Variants in TRDN observed in about 807,000 individuals in gnomAD.
TRDN encodes the protein triadin in skeletal muscle.
In TRDN, 161 loss-of-function variants were observed where a neutral mutation model predicts 149.7. The observed-to-expected ratio is 1.08, with a 90% CI of 0.95 to 1.23. TRDN has a LOEUF of 1.23. Ranked by LOEUF, TRDN falls within the 50% of genes most tolerant of loss-of-function variation. The pLI is 0.00. For synonymous variants in TRDN, 294 were observed against 250.5 expected (o/e 1.17, Z -1.64); for missense variants, 896 against 823.5 (o/e 1.09, Z -1.08).
At chr6:123,567,697 G>T (rs1054976594) in intron 2 of TRDN, among the ~76,000 whole-genome samples, 1 of 152,112 alleles carries the variant, frequency 6.6e-6, no homozygotes, top group African/African-American at 2.4e-5. Flanking sequence ...ATTCACTATT[G>T]TGAGGAAAGT....
chr6:123,478,301 G>A lies in TRDN; in HGVS notation c.854-13318C>T, dbSNP rs113468966. The stretch of plus-strand genomic sequence containing the variant: ...ATTTTCTGTTTAACCTTAGTTAGAC[G>A]TTGAATGGACTTGATATATCCCACA... On this transcript the variant is annotated intron_variant, in intron 9 of 40. Coordinates refer to ENST00000334268, the MANE Select transcript of TRDN (RefSeq NM_006073.4). Among the ~76,000 whole-genome samples, 569 of 152,188 alleles carry A rather than the reference G, an allele frequency of 3.7e-3. 3 individuals carry two copies. The highest frequency in any genetic ancestry group is 0.013 in the African/African-American group (533 of 41,530).
chr6:123,233,083 T>C (rs1775666506), intron 38 of TRDN, among the ~76,000 whole-genome samples: 1 of 152,120 alleles, frequency 6.6e-6, no homozygotes, highest in Non-Finnish European at 1.5e-5. Flanking sequence ...TCGCTGCCTC[T>C]CTCTGTTTCT....
chr6:123,273,382 A>G lies in TRDN; in HGVS notation c.1598-19T>C. The stretch of plus-strand genomic sequence containing the variant: ...GATATAGCTAAAATAAATAAATAAC[A>G]TATTAGATTAAATTACCTGCAAAAT... On this transcript the variant is annotated intron_variant, in intron 27 of 40. Transcript: ENST00000334268. 2.1e-6 allele frequency: 2 copies of G among 943,282 alleles called. No individual in the cohort carries two copies. Among genetic ancestry groups the G allele is most frequent in the Non-Finnish European group, 2.9e-6 (2 of 694,230 alleles). 58.4% of individuals were successfully genotyped at this position (943,282 alleles called of 1,614,324 possible).
intron 12 of TRDN, among the ~76,000 whole-genome samples, chr6:123,424,016 GAAGGGCCATT>G (rs768558515): frequency 3.9e-5 from 6 of 152,122 alleles, no homozygotes; most frequent in Non-Finnish European, 7.4e-5. Context: ...GAGTTTAGGG[GAAGGGCCATT>G]CACCAAATGA....
At chr6:123,357,866 C>A (rs755835918) in intron 20 of TRDN, among the ~76,000 whole-genome samples, 3 of 152,236 alleles carry the variant, frequency 2.0e-5, no homozygotes, top group Admixed American at 1.3e-4. Context: ...ATAGAGAAGG[C>A]TAGTCCCTTA....
intron 1 of TRDN, among the ~76,000 whole-genome samples, chr6:123,575,638 A>G (rs1472497475): frequency 1.3e-5 from 2 of 152,074 alleles, no homozygotes; most frequent in Non-Finnish European, 2.9e-5. Context: ...TTTGATTGTC[A>G]GACAGAATCA....
intron 9 of TRDN, among the ~76,000 whole-genome samples, chr6:123,488,445 T>C (rs1417038378): frequency 3.3e-5 from 5 of 152,154 alleles, no homozygotes; most frequent in African/African-American, 2.4e-5. Context: ...CCAGTGAGCA[T>C]TGACCCCACT....
chr6:123,623,294 CTT>C (rs1173456158), intron 1 of TRDN, among the ~76,000 whole-genome samples: 4 of 151,994 alleles, frequency 2.6e-5, no homozygotes, highest in African/African-American at 7.2e-5. Flanking sequence ...TAAAAAGAAT[CTT>C]ATATATAAAA....
intron 1 of TRDN, among the ~76,000 whole-genome samples, chr6:123,602,805 C>T (rs1055954573): frequency 6.6e-6 from 1 of 152,026 alleles, no homozygotes; most frequent in Non-Finnish European, 1.5e-5. Flanking sequence ...TTCCATATGT[C>T]AGTGGACTAG....
chr6:123,511,543 G>A (rs1779182823), intron 7 of TRDN, among the ~76,000 whole-genome samples: 1 of 152,042 alleles, frequency 6.6e-6, no homozygotes. Context: ...CAAATTCAAG[G>A]TATAATACTG....
chr6:123,298,284 T>C (rs371840064), intron 24 of TRDN, among the ~76,000 whole-genome samples: 56 of 152,158 alleles, frequency 3.7e-4, no homozygotes, highest in African/African-American at 1.2e-3. Flanking sequence ...CACTTGTTTA[T>C]TTCTTCCTCC....
At chr6:123,566,866 T>C (rs1782321616) in intron 2 of TRDN, among the ~76,000 whole-genome samples, 1 of 152,236 alleles carries the variant, frequency 6.6e-6, no homozygotes, top group African/African-American at 2.4e-5. Flanking sequence ...AAGAATTGCA[T>C]ATAAATCAAA....
chr6:123,420,006 C>T (rs2114538293), intron 12 of TRDN, among the ~76,000 whole-genome samples: 1 of 152,212 alleles, frequency 6.6e-6, no homozygotes, highest in African/African-American at 2.4e-5. Context: ...TGATTGAAAC[C>T]TTGTAAACAA....
At chr6:123,537,747 A>C (rs561641388) in intron 4 of TRDN, among the ~76,000 whole-genome samples, 1 of 152,216 alleles carries the variant, frequency 6.6e-6, no homozygotes, top group Non-Finnish European at 1.5e-5. Context: ...TAGTAGCAGC[A>C]ACCAATGGAA....
intron 10 of TRDN, chr6:123,457,682 T>G (rs1439965176): frequency 5.7e-6 from 2 of 353,368 alleles, no homozygotes; most frequent in Non-Finnish European, 1.1e-5. Context: ...ATACTTGTTT[T>G]AACATATTAA....
At chr6:123,509,675 AG>A (rs376527829) in intron 7 of TRDN, 1 of 152,182 alleles carries the variant, frequency 6.6e-6, no homozygotes, top group African/African-American at 2.4e-5. Flanking sequence ...TGTGAAACAG[AG>A]GCCTGAGCTA....
chr6:123,352,484 G>A (rs376595959), intron 21 of TRDN, 55 bp downstream of exon 21: 54 of 1,599,232 alleles, frequency 3.4e-5, no homozygotes, highest in South Asian at 2.4e-4. Context: ...GCTTTCCTCC[G>A]CATGTTGTTG....
chr6:123,369,766 C>G (rs1781251853), intron 19 of TRDN, among the ~76,000 whole-genome samples: 1 of 152,116 alleles, frequency 6.6e-6, no homozygotes, highest in South Asian at 2.1e-4. Context: ...GTTCCTGCCC[C>G]TTTTTAGTAC....
intron 26 of TRDN, among the ~76,000 whole-genome samples, chr6:123,277,165 G>A: frequency 6.6e-6 from 1 of 152,082 alleles, no homozygotes; most frequent in East Asian, 1.9e-4. Context: ...AAAGAGAAGA[G>A]GAATTTTGCT....
Sources: gnomAD v4.1 joint callset for allele counts (sites outside exome capture counted in the v4.1 genomes callset) on GRCh38, gnomAD v4.1.1 for gene constraint, MANE v1.5 for transcripts, NCBI Gene and HGNC (gene_info 2026-07-23, HGNC 2026-07-21) for gene names.